ZC3H12B: variants seen among roughly 807,000 people sequenced by gnomAD.
ZC3H12B encodes probable ribonuclease ZC3H12B.
Under a neutral mutation model 43.9 loss-of-function variants are expected in ZC3H12B, and 7 were observed. That is an observed-to-expected ratio of 0.16 (90% CI 0.09 to 0.30). The LOEUF (loss-of-function observed/expected upper bound fraction) is 0.30, where lower values mean the gene tolerates loss of function less well. Ranked by LOEUF, ZC3H12B falls within the 10% of genes least tolerant of loss-of-function variation. ZC3H12B has a pLI of 1.00. For synonymous variants in ZC3H12B, 222 were observed against 241.7 expected (o/e 0.92, Z 0.76); for missense variants, 475 against 670.2 (o/e 0.71, Z 3.22).
chrX:65,121,328 G>A, the ZC3H12B span, among the ~76,000 whole-genome samples: 1 of 111,050 alleles, frequency 9.0e-6, no homozygotes, highest in African/African-American at 3.3e-5. Context: ...CAATTTCAGA[G>A]CCTGTTATTG....
the ZC3H12B span, among the ~76,000 whole-genome samples, chrX:65,113,985 G>GCATA: frequency 2.1e-5 from 1 of 47,483 alleles, no homozygotes; most frequent in South Asian, 2.8e-3. Flanking sequence ...AGATATGCTT[G>GCATA]TATATATATA....
chrX:65,314,283 G>T, the ZC3H12B span, among the ~76,000 whole-genome samples: 1 of 111,442 alleles, frequency 9.0e-6, no homozygotes, highest in Non-Finnish European at 1.9e-5. Context: ...CCCCAAATTG[G>T]TGAAATATGT....
chrX:65,469,411 T>A (rs2067875172), intron 3 of ZC3H12B: 1 of 466,692 alleles, frequency 2.1e-6, no homozygotes, highest in Non-Finnish European at 4.0e-6. Flanking sequence ...CTCAAGGTGT[T>A]TCTGTCGGGA....
chrX:65,226,284 G>A, the ZC3H12B span, among the ~76,000 whole-genome samples: 10 of 111,165 alleles, frequency 9.0e-5, no homozygotes, highest in Non-Finnish European at 1.7e-4. Flanking sequence ...CTTCATAAGT[G>A]AAGGAGAAAT....
At chrX:65,305,108 C>T in the ZC3H12B span, among the ~76,000 whole-genome samples, 2 of 111,810 alleles carry the variant, frequency 1.8e-5, no homozygotes, top group African/African-American at 6.5e-5. Flanking sequence ...TGATATATCA[C>T]CACACATCTA....
chrX:65,218,472 G>A, the ZC3H12B span, among the ~76,000 whole-genome samples: 1 of 111,787 alleles, frequency 8.9e-6, no homozygotes, highest in South Asian at 3.7e-4. Context: ...GCTGTTCGTG[G>A]GGTAGGGTGG....
At chrX:65,091,958 G>A in the ZC3H12B span, among the ~76,000 whole-genome samples, 1 of 112,116 alleles carries the variant, frequency 8.9e-6, no homozygotes, top group Non-Finnish European at 1.9e-5. Context: ...GTGGGGCCTG[G>A]TGGGATGTGA....
chrX:65,066,456 G>A, the ZC3H12B span, among the ~76,000 whole-genome samples: 3 of 111,566 alleles, frequency 2.7e-5, no homozygotes, highest in African/African-American at 9.8e-5. Flanking sequence ...GTTTCCCTGG[G>A]TATCACCATC....
At chrX:65,319,431 A>T in the ZC3H12B span, among the ~76,000 whole-genome samples, 1 of 107,811 alleles carries the variant, frequency 9.3e-6, no homozygotes, top group African/African-American at 3.7e-5. Flanking sequence ...ATTGGTAATA[A>T]AAAAGCCTCC....
At chrX:65,251,686 A>T in the ZC3H12B span, among the ~76,000 whole-genome samples, 1 of 111,385 alleles carries the variant, frequency 9.0e-6, no homozygotes, top group Non-Finnish European at 1.9e-5. Flanking sequence ...TAGGTATTTT[A>T]TTCCCTTTGA....
At chrX:65,234,748 G>A in the ZC3H12B span, among the ~76,000 whole-genome samples, 2 of 112,151 alleles carry the variant, frequency 1.8e-5, no homozygotes, top group Non-Finnish European at 1.9e-5. Flanking sequence ...GTGTTACATA[G>A]GTAAATGTGT....
At chrX:65,110,937 C>G in the ZC3H12B span, among the ~76,000 whole-genome samples, 1 of 110,757 alleles carries the variant, frequency 9.0e-6, no homozygotes, top group Admixed American at 9.6e-5. Flanking sequence ...CATACAGATC[C>G]TCTCTATATT....
chrX:65,279,429 T>A, the ZC3H12B span, among the ~76,000 whole-genome samples: 2 of 110,101 alleles, frequency 1.8e-5, no homozygotes, highest in East Asian at 2.8e-4. Flanking sequence ...GTTGGCCACA[T>A]GTATGTCTTT....
intron 3 of ZC3H12B, among the ~76,000 whole-genome samples, chrX:65,419,023 C>T (rs1235988923): frequency 3.6e-5 from 4 of 111,148 alleles, no homozygotes; most frequent in African/African-American, 1.3e-4. Flanking sequence ...TAACTGTGGC[C>T]CCTCAGACAG....
chrX:65,307,564 T>C, the ZC3H12B span, among the ~76,000 whole-genome samples: 2 of 111,871 alleles, frequency 1.8e-5, no homozygotes, highest in Non-Finnish European at 3.8e-5. Context: ...ATTGGAAACA[T>C]AGGAAAACAA....
chrX:65,337,957 T>A, the ZC3H12B span, among the ~76,000 whole-genome samples: 1 of 111,986 alleles, frequency 8.9e-6, no homozygotes, highest in Non-Finnish European at 1.9e-5. Flanking sequence ...AGCAGATGAA[T>A]CAGTCTTGTT....
At chrX:65,435,838 G>C (rs371786757) in intron 3 of ZC3H12B, among the ~76,000 whole-genome samples, 1 of 112,088 alleles carries the variant, frequency 8.9e-6, no homozygotes, top group East Asian at 2.8e-4. Flanking sequence ...AAATCTGAAA[G>C]TCAGAATCAG....
the ZC3H12B span, among the ~76,000 whole-genome samples, chrX:65,292,628 T>G: frequency 4.8e-5 from 5 of 105,007 alleles, no homozygotes; most frequent in South Asian, 3.9e-4. Flanking sequence ...AAATAGAAGT[T>G]TTTTTTTTTT....
the ZC3H12B span, among the ~76,000 whole-genome samples, chrX:65,045,577 A>G: frequency 4.5e-5 from 5 of 111,984 alleles, no homozygotes; most frequent in South Asian, 1.5e-3. Context: ...TTCTTCTGCT[A>G]TTTCTACCAA....
Sources: allele counts gnomAD v4.1 joint callset (sites outside exome capture counted in the v4.1 genomes callset), GRCh38; gene constraint gnomAD v4.1.1; transcripts MANE v1.5; gene names NCBI Gene and HGNC (gene_info 2026-07-23, HGNC 2026-07-21).